Variants in MTFR1L observed in about 807,000 individuals in gnomAD.
The protein encoded by MTFR1L is mitochondrial fission regulator 1 like, also known as mitochondrial fission regulator 1-like.
MTFR1L carries 10 observed loss-of-function variants against 27.9 expected under a neutral mutation model. The ratio of observed to expected loss-of-function variants is 0.36; its 90% CI spans 0.22 to 0.61. The LOEUF is 0.61. Among genes scored for constraint, MTFR1L ranks in the 20% least tolerant of loss-of-function variants. The pLI is 0.73. For missense variants in MTFR1L, 315 were observed against 363.7 expected, an observed-to-expected ratio of 0.87 and a Z score of 1.09; for synonymous variants, 151 against 139.4, an observed-to-expected ratio of 1.08 and a Z score of -0.58.
At chr1:25,831,115 A>C (rs2048234442) in intron 6 of MTFR1L, among the ~76,000 whole-genome samples, 1 of 152,200 alleles carries the variant, frequency 6.6e-6, no homozygotes, top group Non-Finnish European at 1.5e-5. Flanking sequence ...GTCAGTGAAT[A>C]AGAATGGGAA....
At chr1:25,821,946 A>C (rs1557440398) in intron 1 of MTFR1L, 1 of 152,256 alleles carries the variant, frequency 6.6e-6, no homozygotes, top group African/African-American at 2.4e-5. Flanking sequence ...GCCCAGCACA[A>C]GGCCTGGCAC....
chr1:25,820,230 GCAAA>G (rs766871996), intron 1 of MTFR1L: 4 of 455,684 alleles, frequency 8.8e-6, no homozygotes, highest in South Asian at 6.2e-5. Flanking sequence ...GAGTTCCCCA[GCAAA>G]CAGTGACCAA....
chr1:25,823,030 T>A lies in MTFR1L; in HGVS notation c.-75T>A. On this transcript the variant is annotated 5_prime_UTR_variant, in exon 2 of 7. It removes an upstream start codon present in the reference 5' UTR. Coordinates refer to ENST00000374303, the MANE Select transcript of MTFR1L (RefSeq NM_001099625.2). ...TGGTGCTCCTCCAGATGGCCTGATA[T>A]GAAGGAGTCACGCCTCCCGCCTCCC... 1 of 1,613,684 alleles carries A rather than the reference T, an allele frequency of 6.2e-7. No homozygotes were observed. The highest frequency in any genetic ancestry group is 8.5e-7 in the Non-Finnish European group (1 of 1,179,866).
chr1:25,831,789 A>C (rs2124487253), intron 6 of MTFR1L, 132 bp from the exon 7 acceptor site: 1 of 825,652 alleles, frequency 1.2e-6, no homozygotes, highest in Middle Eastern at 3.7e-4. Flanking sequence ...CAATTTCCTT[A>C]TCTGTGAAAG....
rs746947619 is a variant in MTFR1L, at chr1:25,831,913, G to C, written c.774-8G>C. The C allele has an allele frequency of 6.2e-7, 1 of 1,610,890 alleles. No homozygotes were observed. The highest frequency in any genetic ancestry group is 8.5e-7 in the Non-Finnish European group (1 of 1,177,050). ...GAGTAAGTACTCAAGCTATTATTGT[G>C]TCTCTAGGAACCGGAGTTTATTGAA... On this transcript the variant is annotated splice_region_variant and splice_polypyrimidine_tract_variant and intron_variant, in intron 6 of 6. Coordinates refer to ENST00000374303, the MANE Select transcript of MTFR1L (RefSeq NM_001099625.2).
intron 2 of MTFR1L, 75 bp from the exon 3 acceptor site, chr1:25,823,569 C>T (rs1437268584): frequency 2.0e-5 from 31 of 1,567,416 alleles, no homozygotes; most frequent in Non-Finnish European, 2.6e-5. Flanking sequence ...CTCCACAAAC[C>T]TAGAGAGGAG....
rs1392995129 is a variant in MTFR1L, at chr1:25,823,664, C to T, written c.45C>T (p.Asn15=). Residue 15 remains asparagine, a synonymous_variant, in exon 3 of 7, where the codon AAC becomes AAT. Coordinates refer to ENST00000374303, the MANE Select transcript of MTFR1L (RefSeq NM_001099625.2). ...EATVTIPIWQ[N]KPHGAARSVV... Reference sequence around the variant, plus strand: ...TCCAGACCATCCCAATCTGGCAAAACAAGCCACATGGGGCTGCTCGAAGTG... The same window carrying T: ...TCCAGACCATCCCAATCTGGCAAAATAAGCCACATGGGGCTGCTCGAAGTG... 1.2e-6 allele frequency: 2 copies of T among 1,613,930 alleles called. No individual in the cohort carries two copies. Among genetic ancestry groups the T allele is most frequent in the African/African-American group, 2.7e-5 (2 of 74,914 alleles).
Position 25,829,956 on chromosome 1 carries a change from G to T in MTFR1L, c.773+126G>T, listed in dbSNP as rs1447589955. On this transcript the variant is annotated intron_variant, in intron 6 of 6. Transcript: ENST00000374303. Reference sequence around the variant, plus strand: ...ATATGTTATGTCATTCATAAAGCTTGCTGACTACCTGCTTGCCAGTGCCTG... The same window carrying T: ...ATATGTTATGTCATTCATAAAGCTTTCTGACTACCTGCTTGCCAGTGCCTG... The T allele has an allele frequency of 5.0e-6, 5 of 990,828 alleles. No homozygotes were observed. The Middle Eastern group carries it at 9.9e-4, about 196-fold the overall frequency. The allele number at this position is 990,828 out of a possible 1,614,324, so 61.4% of individuals were successfully genotyped here.
Position 25,826,224 on chromosome 1 carries a change from C to A in MTFR1L, c.130-78C>A. The A allele has an allele frequency of 8.0e-7, 1 of 1,246,998 alleles. No individual in the cohort carries two copies. The allele number at this position is 1,246,998 out of a possible 1,614,324, so 77.2% of individuals were successfully genotyped here. A position where few individuals can be genotyped will look rare whatever the true frequency, so the allele number is the denominator to read the frequency against. On this transcript the variant is annotated intron_variant, in intron 3 of 6. Coordinates refer to ENST00000374303, the MANE Select transcript of MTFR1L (RefSeq NM_001099625.2). The surrounding 1 kb of genome is among the most constrained non-coding windows in gnomAD (Gnocchi z 4.1). ...CTGACACCCAGTGCCGGATTAGGTA[C>A]CCCTCCTGTGTATTCTGCAGTTTCT...
chr1:25,826,837 C>T lies in MTFR1L; in HGVS notation c.451+11C>T, dbSNP rs2048175709. ...TGGCAGCTGATGCAGGTAGGAGCCC[C>T]TGTGCCAGGGCCAGAACGTAACAGG... is the stretch of plus-strand genomic sequence containing the variant. On this transcript the variant is annotated intron_variant, in intron 5 of 6. Coordinates refer to ENST00000374303, the MANE Select transcript of MTFR1L (RefSeq NM_001099625.2). The surrounding 1 kb of genome is among the most constrained non-coding windows in gnomAD (Gnocchi z 4.1). The T allele has an allele frequency of 3.7e-6, 6 of 1,612,964 alleles. No individual in the cohort carries two copies. The highest frequency in any genetic ancestry group is 5.1e-6 in the Non-Finnish European group (6 of 1,179,788).
rs748969751 is a variant in MTFR1L at position 25,832,152 on chromosome 1, G to T, written c.*126G>T. 3.6e-5 allele frequency: 57 copies of T among 1,569,906 alleles called. No individual in the cohort carries two copies. The East Asian group carries it at 1.3e-3, about 35-fold the overall frequency. Reference sequence around the variant, plus strand: ...GCAACAGTCTTGCTGACAAGCTAGAGCTTGGACTGAAAGAGAAGAGCTGGA... The same window carrying T: ...GCAACAGTCTTGCTGACAAGCTAGATCTTGGACTGAAAGAGAAGAGCTGGA... On this transcript the variant is annotated 3_prime_UTR_variant, in exon 7 of 7. Transcript: ENST00000374303.
chr1:25,826,358 G>A lies in MTFR1L; in HGVS notation c.186G>A (p.Leu62=), dbSNP rs753929619. The A allele has an allele frequency of 1.2e-6, 2 of 1,614,188 alleles. No individual in the cohort carries two copies. Among genetic ancestry groups the A allele is most frequent in the Non-Finnish European group, 8.5e-7 (1 of 1,180,034 alleles). ...CLRDVPPVPT[L]ADIAWIAADE... ...GAGATGTGCCCCCAGTCCCTACCCT[G>A]GCTGACATCGCCTGGATTGCTGCGG... The change falls in exon 4 of 7, where the codon CTG becomes CTA. Residue 62 remains leucine, a synonymous_variant. Coordinates refer to ENST00000374303, the MANE Select transcript of MTFR1L (RefSeq NM_001099625.2). The surrounding 1 kb of genome is among the most constrained non-coding windows in gnomAD (Gnocchi z 4.1).
At chr1:25,822,917 T>G in intron 1 of MTFR1L, 102 bp from the exon 2 acceptor site, 2 of 934,270 alleles carry the variant, frequency 2.1e-6, no homozygotes, top group Non-Finnish European at 1.7e-6. Context: ...CCCTGTGAAG[T>G]CATGGCTCTG....
intron 6 of MTFR1L, among the ~76,000 whole-genome samples, chr1:25,830,663 T>C (rs960166316): frequency 2.0e-5 from 3 of 152,224 alleles, no homozygotes; most frequent in African/African-American, 7.2e-5. Flanking sequence ...CAGCTCTGTT[T>C]GTTAATGCAG....
In MTFR1L at chr1:25,829,758, C is replaced by T; in HGVS notation, c.701C>T (p.Ser234Phe). 1.2e-6 allele frequency: 2 copies of T among 1,612,458 alleles called. No individual in the cohort carries two copies. Among genetic ancestry groups the T allele is most frequent in the Non-Finnish European group, 1.7e-6 (2 of 1,180,030 alleles). The change falls in exon 6 of 7, where the codon TCC becomes TTC. Residue 234 changes from serine to phenylalanine, a missense_variant. Ser to Phe is a radical substitution (Grantham distance 155). Coordinates refer to ENST00000374303, the MANE Select transcript of MTFR1L (RefSeq NM_001099625.2). ...SSEEDDCVSLSKASSFADMMG... is the reference protein window; with the variant it reads ...SSEEDDCVSLFKASSFADMMG... ...GAAGAGGATGACTGCGTCTCTTTGTCCAAGGCCAGCAGCTTTGCAGACATG... is the reference window on the plus strand; with the variant it reads ...GAAGAGGATGACTGCGTCTCTTTGTTCAAGGCCAGCAGCTTTGCAGACATG...
At chr1:25,829,413 G>C in intron 5 of MTFR1L, 96 bp from the exon 6 acceptor site, 4 of 1,144,776 alleles carry the variant, frequency 3.5e-6, no homozygotes, top group Non-Finnish European at 3.8e-6. Context: ...TGTCAGCCCA[G>C]GAAATGAATG....
At chr1:25,831,766 C>G (rs750817879) in intron 6 of MTFR1L, 155 bp from the exon 7 acceptor site, 2 of 743,362 alleles carry the variant, frequency 2.7e-6, no homozygotes, top group Non-Finnish European at 4.5e-6. Context: ...ACTTGTATAA[C>G]CTTTCTGTGC....
Position 25,832,262 on chromosome 1 carries a change from A to G in MTFR1L, c.*236A>G. 5.6e-6 allele frequency: 7 copies of G among 1,247,026 alleles called. No individual in the cohort carries two copies. The highest frequency in any genetic ancestry group is 7.8e-6 in the Non-Finnish European group (7 of 893,372). 77.2% of individuals were successfully genotyped at this position (1,247,026 alleles called of 1,614,324 possible). ...ACATTTGTTTCAGGTAATCGTGTAG[A>G]ATGAAGTATCTTAGTTTAAAGGGTA... On this transcript the variant is annotated 3_prime_UTR_variant, in exon 7 of 7. Coordinates refer to ENST00000374303, the MANE Select transcript of MTFR1L (RefSeq NM_001099625.2).
Position 25,832,268 on chromosome 1 carries a change from G to GTATC in MTFR1L, c.*244_*247dup, listed in dbSNP as rs1336007799. On this transcript the variant is annotated 3_prime_UTR_variant, in exon 7 of 7. Transcript: ENST00000374303. ...GTTTCAGGTAATCGTGTAGAATGAAGTATCTTAGTTTAAAGGGTAAGAGAG... is the reference window on the plus strand; with the variant it reads ...GTTTCAGGTAATCGTGTAGAATGAAGTATCTATCTTAGTTTAAAGGGTAAGAGAG... 8 of 1,212,362 alleles carry GTATC rather than the reference G, an allele frequency of 6.6e-6. No homozygotes were observed. Among genetic ancestry groups the GTATC allele is most frequent in the East Asian group, 2.6e-5 (1 of 39,124 alleles). 75.1% of individuals were successfully genotyped at this position (1,212,362 alleles called of 1,614,324 possible). A position where few individuals can be genotyped will look rare whatever the true frequency, so the allele number is the denominator to read the frequency against.
Sources: gnomAD v4.1 joint callset for allele counts (sites outside exome capture counted in the v4.1 genomes callset) on GRCh38, gnomAD v4.1.1 for gene constraint, Gnocchi (gnomAD v3.1) non-coding constraint, MANE v1.5 for transcripts, NCBI Gene and HGNC (gene_info 2026-07-23, HGNC 2026-07-21) for gene names.